The following ANK2 variants were observed in gnomAD, a reference collection of about 807,000 sequenced individuals.
ANK2 encodes the protein ankyrin 2.
A neutral mutation model predicts 360.5 loss-of-function variants in ANK2; 83 were observed. That is an observed-to-expected ratio of 0.23 (90% CI 0.19 to 0.28). The LOEUF is 0.28. Ranked by LOEUF, ANK2 falls within the 10% of genes least tolerant of loss-of-function variation. ANK2 has a pLI of 1.00. For synonymous variants in ANK2, 1,740 were observed against 1,759.5 expected, an observed-to-expected ratio of 0.99 and a Z score of 0.28; for missense variants, 4,201 against 4,795.7, an observed-to-expected ratio of 0.88 and a Z score of 3.66.
intron 45 of ANK2, among the ~76,000 whole-genome samples, chr4:113,380,623 A>G (rs12711019): frequency 0.24 from 37,279 of 152,196 alleles, 6,905 homozygotes; most frequent in African/African-American, 0.52. Flanking sequence ...GATCGCACCA[A>G]TGCACTCCAG....
At chr4:113,039,839 A>G (rs1379362124) in intron 2 of ANK2, among the ~76,000 whole-genome samples, 30 of 151,928 alleles carry the variant, frequency 2.0e-4, no homozygotes. Context: ...CCATCACTCC[A>G]TGGGTACATA....
intron 2 of ANK2, among the ~76,000 whole-genome samples, chr4:112,964,624 G>A (rs1242470772): frequency 6.8e-6 from 1 of 147,636 alleles, no homozygotes; most frequent in African/African-American, 2.5e-5. Flanking sequence ...AGGCTGGAGT[G>A]CAGTGGCACA....
the ANK2 span, among the ~76,000 whole-genome samples, chr4:112,789,124 T>A: frequency 1.3e-5 from 2 of 152,128 alleles, no homozygotes; most frequent in Non-Finnish European, 2.9e-5. Flanking sequence ...AATACTCTCA[T>A]AAAGAAGTTG....
chr4:113,291,353 C>A (rs1333105181), intron 20 of ANK2, among the ~76,000 whole-genome samples: 1 of 152,162 alleles, frequency 6.6e-6, no homozygotes, highest in Non-Finnish European at 1.5e-5. Context: ...CTTGGAGTCC[C>A]TGTAATTGAT....
chr4:113,303,369 C>T (rs1277221316), intron 23 of ANK2, among the ~76,000 whole-genome samples: 1 of 152,030 alleles, frequency 6.6e-6, no homozygotes, highest in Non-Finnish European at 1.5e-5. Flanking sequence ...GTATAAATTC[C>T]ACAGAAGAAT....
intron 2 of ANK2, among the ~76,000 whole-genome samples, chr4:113,008,591 A>G (rs527438945): frequency 7.9e-5 from 12 of 152,306 alleles, no homozygotes; most frequent in Non-Finnish European, 1.6e-4. Context: ...AGCCTTTGGT[A>G]TGTGGTGTCA....
intron 1 of ANK2, chr4:112,881,757 G>C (rs2076750797): frequency 1.5e-6 from 1 of 658,768 alleles, no homozygotes; most frequent in Non-Finnish European, 2.7e-6. Context: ...CCATCACTTC[G>C]ATTATTCAAA....
At chr4:113,325,945 A>G (rs1385427425) in intron 26 of ANK2, among the ~76,000 whole-genome samples, 2 of 152,138 alleles carry the variant, frequency 1.3e-5, no homozygotes, top group African/African-American at 4.8e-5. Context: ...ATATTTAATT[A>G]TATGTTTTTA....
chr4:112,726,711 T>C, the ANK2 span, among the ~76,000 whole-genome samples: 3 of 151,668 alleles, frequency 2.0e-5, no homozygotes, highest in South Asian at 6.2e-4. Flanking sequence ...ATTAGCCGGG[T>C]GTAGTGGTGG....
chr4:113,249,717 A>AT lies in ANK2; in HGVS notation c.892-40dup, dbSNP rs750330363. The AT allele has an allele frequency of 1.8e-5, 29 of 1,578,702 alleles. No homozygotes were observed. In the South Asian group the frequency reaches 2.6e-4, roughly 14 times the overall value. On this transcript the variant is annotated intron_variant, in intron 9 of 45. Coordinates refer to ENST00000357077, the MANE Select transcript of ANK2 (RefSeq NM_001148.6). The stretch of plus-strand genomic sequence containing the variant: ...TATGGTTGCAATAGATGAAATATAG[A>AT]TTTTTTTGAAGTGAACTTGGGCCTA...
intron 1 of ANK2, among the ~76,000 whole-genome samples, chr4:112,855,438 G>A (rs760970029): frequency 6.6e-6 from 1 of 152,200 alleles, no homozygotes. Flanking sequence ...ACAACAGGTT[G>A]CATAGGTTTT....
chr4:113,186,804 G>A (rs1006173982), intron 2 of ANK2, among the ~76,000 whole-genome samples: 1 of 152,104 alleles, frequency 6.6e-6, no homozygotes, highest in African/African-American at 2.4e-5. Flanking sequence ...AAGAGAATTC[G>A]TCAGAATTAA....
In ANK2 at chr4:113,317,695, C is replaced by T. The variant is rs558765902; in HGVS notation, c.2694-12C>T. The T allele has an allele frequency of 5.6e-6, 9 of 1,609,496 alleles. No individual in the cohort carries two copies. The South Asian group carries it at 8.8e-5, about 16-fold the overall frequency. ...TGTTGGTATATGCCATGGCCTCCTG[C>T]CAACCTACCAGCCTTCGATCCTTCA... On this transcript the variant is annotated splice_polypyrimidine_tract_variant and intron_variant, in intron 24 of 45. Coordinates refer to ENST00000357077, the MANE Select transcript of ANK2 (RefSeq NM_001148.6).
rs73843002 is a variant in ANK2, at chr4:112,826,870, A to G, written c.-40+8606A>G. 5,582 of 1,483,078 alleles carry G rather than the reference A, an allele frequency of 3.8e-3. 177 individuals carry two copies. The African/African-American group carries it at 0.069, about 18-fold the overall frequency. The allele number at this position is 1,483,078 out of a possible 1,614,324, so 91.9% of individuals were successfully genotyped here. ...TGCTTCAGGGATGAAGATGACATCA[A>G]TGATGTGACTTCTATGGCAGGGGTC... is the stretch of plus-strand genomic sequence containing the variant. On this transcript the variant is annotated intron_variant, in intron 1 of 30. Coordinates refer to the ANK2 transcript ENST00000503271.
upstream of ANK2, among the ~76,000 whole-genome samples, chr4:113,046,358 T>C (rs971364686): frequency 6.6e-6 from 1 of 152,138 alleles, no homozygotes; most frequent in East Asian, 1.9e-4. Context: ...GTTTAAGTAA[T>C]ATTTCAGAAT....
At chr4:113,301,998 T>G (rs756128237) in intron 22 of ANK2, among the ~76,000 whole-genome samples, 4 of 152,248 alleles carry the variant, frequency 2.6e-5, no homozygotes, top group Non-Finnish European at 4.4e-5. Context: ...CATCATTTAA[T>G]CTTCCTAACC....
intron 28 of ANK2, 127 bp from the exon 29 acceptor site, chr4:113,332,927 G>A: frequency 1.5e-6 from 2 of 1,371,396 alleles, no homozygotes; most frequent in Non-Finnish European, 2.1e-6. Flanking sequence ...GGCTCCAGGG[G>A]ATGGCCCACT....
intron 23 of ANK2, among the ~76,000 whole-genome samples, chr4:113,305,517 G>T (rs1010152292): frequency 1.3e-4 from 20 of 152,160 alleles, no homozygotes; most frequent in Non-Finnish European, 2.9e-4. Flanking sequence ...TGTGGCAAGA[G>T]AAGTCTATTT....
intron 1 of ANK2, among the ~76,000 whole-genome samples, chr4:113,118,456 C>T (rs911346456): frequency 8.6e-5 from 13 of 151,926 alleles, no homozygotes; most frequent in Admixed American, 3.3e-4. Flanking sequence ...GGGATGTTGT[C>T]TTTGCCTCAC....
Sources: allele counts gnomAD v4.1 joint callset (sites outside exome capture counted in the v4.1 genomes callset), GRCh38; gene constraint gnomAD v4.1.1; transcripts MANE v1.5; gene names NCBI Gene and HGNC (gene_info 2026-07-23, HGNC 2026-07-21).